Variants in CERKL observed in about 807,000 individuals in gnomAD.
CERKL encodes CERK like autophagy regulator, also known as ceramide kinase-like protein.
A neutral mutation model predicts 63.4 loss-of-function variants in CERKL; 61 were observed. The ratio of observed to expected loss-of-function variants is 0.96; its 90% CI spans 0.78 to 1.19. The LOEUF (loss-of-function observed/expected upper bound fraction) is 1.19. CERKL is among the 50% of genes most tolerant of loss of function. The probability of loss-of-function intolerance (pLI) is 0.00; values close to 1 mark genes in which losing one functional copy is unlikely to be tolerated. For synonymous variants in CERKL, 250 were observed against 230.5 expected, an observed-to-expected ratio of 1.08 and a Z score of -0.77; for missense variants, 675 against 655.5, an observed-to-expected ratio of 1.03 and a Z score of -0.33.
chr2:181,641,342 T>C (rs1266099047), intron 1 of CERKL, among the ~76,000 whole-genome samples: 4 of 5,030 alleles, frequency 8.0e-4, no homozygotes, highest in African/African-American at 2.5e-3. Flanking sequence ...TATATATATA[T>C]ATACATATAT....
rs531984809 is a variant in CERKL at position 181,601,269 on chromosome 2, A to G, written c.481+2568T>C. Among the ~76,000 whole-genome samples the G allele has an allele frequency of 2.0e-5, 3 of 152,348 alleles. No homozygotes were observed. In the East Asian group the frequency reaches 5.8e-4, roughly 29 times the overall value. On this transcript the variant is annotated intron_variant, in intron 2 of 12. Coordinates refer to ENST00000410087, the MANE Select transcript of CERKL (RefSeq NM_201548.5). Reference sequence around the variant, plus strand: ...AACTTCTTGAGATATTAGTTTTAAGAGAAGTGCCAGCCAGGTGCGGTGGCT... The same window carrying G: ...AACTTCTTGAGATATTAGTTTTAAGGGAAGTGCCAGCCAGGTGCGGTGGCT...
intron 2 of CERKL, among the ~76,000 whole-genome samples, chr2:181,577,299 A>C (rs1168033592): frequency 1.3e-5 from 2 of 152,238 alleles, no homozygotes; most frequent in Non-Finnish European, 2.9e-5. Flanking sequence ...AGTAGTCTGC[A>C]CAGGACTGCA....
chr2:181,633,301 CTGAA>C (rs1687043145), intron 1 of CERKL, among the ~76,000 whole-genome samples: 1 of 152,178 alleles, frequency 6.6e-6, no homozygotes, highest in South Asian at 2.1e-4. Context: ...GCAAGGATGA[CTGAA>C]TGAGCACGGA....
At chr2:181,651,162 T>C (rs1265866339) in intron 1 of CERKL, among the ~76,000 whole-genome samples, 1 of 152,212 alleles carries the variant, frequency 6.6e-6, no homozygotes, top group Non-Finnish European at 1.5e-5. Flanking sequence ...AGGGAATACT[T>C]CCAAACTCAT....
Position 181,656,773 on chromosome 2 carries a change from C to T in CERKL, c.234G>A (p.Pro78=), listed in dbSNP as rs947268103. ...CGCTTGGGGCCGGGCACTCACCCGC[C>T]GGGCGCTCGGGCTGAATGGGCCGCC... is the stretch of plus-strand genomic sequence containing the variant. ...LRWRPIQPER[P]AGDSKYDLLC... is the part of the protein sequence containing the mutation. Residue 78 remains proline, a synonymous_variant, in exon 1 of 13, where the codon CCG becomes CCA. Coordinates refer to ENST00000410087, the MANE Select transcript of CERKL (RefSeq NM_201548.5). The T allele has an allele frequency of 4.4e-6, 7 of 1,591,358 alleles. No individual in the cohort carries two copies. The highest frequency in any genetic ancestry group is 4.0e-4 in the Middle Eastern group (2 of 4,976).
intron 2 of CERKL, among the ~76,000 whole-genome samples, chr2:181,597,607 T>C (rs910041618): frequency 4.6e-5 from 7 of 152,318 alleles, no homozygotes; most frequent in Non-Finnish European, 7.4e-5. Flanking sequence ...GGCAATGTTA[T>C]TGGTGGTAAT....
intron 1 of CERKL, among the ~76,000 whole-genome samples, chr2:181,643,003 A>C (rs1687512282): frequency 6.6e-6 from 1 of 152,186 alleles, no homozygotes; most frequent in South Asian, 2.1e-4. Flanking sequence ...TAAGGCGAGC[A>C]AAGGGCTTTG....
chr2:181,643,145 A>T (rs183994751), intron 1 of CERKL, among the ~76,000 whole-genome samples: 322 of 152,334 alleles, frequency 2.1e-3, no homozygotes, highest in Non-Finnish European at 3.7e-3. Context: ...ACTGAGATTT[A>T]TTTAATTTGA....
At chr2:181,574,026 G>A in intron 2 of CERKL, 142 bp from the exon 3 acceptor site, 1 of 753,576 alleles carries the variant, frequency 1.3e-6, no homozygotes, top group South Asian at 1.9e-5. Context: ...TCTTGCAAGA[G>A]TATTCTGAAT....
chr2:181,595,936 C>CT (rs1244292724), intron 2 of CERKL, among the ~76,000 whole-genome samples: 1 of 152,108 alleles, frequency 6.6e-6, no homozygotes, highest in East Asian at 1.9e-4. Flanking sequence ...GCTTAATAAA[C>CT]ATCAGCTATT....
chr2:181,642,398 C>T (rs1429265193), intron 1 of CERKL, among the ~76,000 whole-genome samples: 1 of 151,444 alleles, frequency 6.6e-6, no homozygotes, highest in Non-Finnish European at 1.5e-5. Context: ...CTAAGTCTCA[C>T]GTAATCACCA....
chr2:181,612,068 A>G (rs1685991736), intron 1 of CERKL, among the ~76,000 whole-genome samples: 1 of 152,228 alleles, frequency 6.6e-6, no homozygotes, highest in South Asian at 2.1e-4. Flanking sequence ...CTCTACAACA[A>G]AAACTAGATG....
chr2:181,587,847 C>G lies in CERKL; in HGVS notation c.482-13963G>C, dbSNP rs549510131. ...ATCATATGTAAGTAATTAGGTGTGG[C>G]TTTTAAGATAAATTTTTAGTTATTT... On this transcript the variant is annotated intron_variant, in intron 2 of 12. Transcript: ENST00000410087. 9.2e-5 allele frequency among the ~76,000 whole-genome samples: 14 copies of G among 152,074 alleles called. No individual in the cohort carries two copies. In the South Asian group the frequency reaches 2.9e-3, roughly 32 times the overall value.
At chr2:181,643,876 A>G (rs963929018) in intron 1 of CERKL, among the ~76,000 whole-genome samples, 3 of 152,248 alleles carry the variant, frequency 2.0e-5, no homozygotes, top group African/African-American at 7.2e-5. Flanking sequence ...TTATTCACAC[A>G]GGACAGTAAA....
At chr2:181,567,360 A>G (rs1030897775) in intron 3 of CERKL, among the ~76,000 whole-genome samples, 3 of 152,184 alleles carry the variant, frequency 2.0e-5, no homozygotes, top group Non-Finnish European at 4.4e-5. Context: ...AAAAATATTT[A>G]TGCTAAGAAT....
intron 1 of CERKL, among the ~76,000 whole-genome samples, chr2:181,619,568 T>C (rs891842827): frequency 2.0e-5 from 3 of 152,124 alleles, no homozygotes; most frequent in Non-Finnish European, 2.9e-5. Flanking sequence ...CCAATAAAAG[T>C]TTTTTATTGA....
chr2:181,541,932 CT>C (rs1326968191), intron 11 of CERKL, among the ~76,000 whole-genome samples: 5 of 152,156 alleles, frequency 3.3e-5, no homozygotes, highest in Non-Finnish European at 7.4e-5. Context: ...TTCAGAACCT[CT>C]TCAGCATACA....
In CERKL at chr2:181,549,688, G is replaced by A; in HGVS notation, c.841C>T (p.His281Tyr). The A allele has an allele frequency of 1.2e-6, 2 of 1,612,044 alleles. No individual in the cohort carries two copies. Among genetic ancestry groups the A allele is most frequent in the Non-Finnish European group, 1.7e-6 (2 of 1,178,390 alleles). The change falls in exon 6 of 13, where the codon CAT (histidine) becomes TAT (tyrosine). Residue 281 changes from histidine to tyrosine, a missense_variant. Physicochemically the swap from His to Tyr is moderately conservative, Grantham distance 83. Transcript: ENST00000410087. The part of the protein sequence containing the change: ...IPAGSTNVLA[H>Y]SLHGVPHVIT... ...ACATGAGGAACTCCATGAAGAGAAT[G>A]TGCCAATACATTGGTAGATCCTGCC...
intron 11 of CERKL, among the ~76,000 whole-genome samples, chr2:181,543,983 CAAAAAAA>C (rs11450338): frequency 8.5e-6 from 1 of 118,220 alleles, no homozygotes; most frequent in Non-Finnish European, 1.7e-5. Context: ...GGCTCTAACT[CAAAAAAA>C]AAAAAAAAAA....
Sources: gnomAD v4.1 joint callset for allele counts (sites outside exome capture counted in the v4.1 genomes callset) on GRCh38, gnomAD v4.1.1 for gene constraint, MANE v1.5 for transcripts, NCBI Gene and HGNC (gene_info 2026-07-23, HGNC 2026-07-21) for gene names.